Variants in ST7L observed in about 807,000 individuals in gnomAD.
The protein encoded by ST7L is suppression of tumorigenicity 7 like, also known as suppressor of tumorigenicity 7 protein-like.
A neutral mutation model predicts 72.5 loss-of-function variants in ST7L; 57 were observed. That is an observed-to-expected ratio of 0.79 (90% CI 0.64 to 0.98). The LOEUF (loss-of-function observed/expected upper bound fraction) is 0.98, where lower values mean the gene tolerates loss of function less well. Ranked by LOEUF, ST7L falls within the 50% of genes least tolerant of loss-of-function variation. The probability of loss-of-function intolerance (pLI) is 0.00; values close to 1 mark genes in which losing one functional copy is unlikely to be tolerated. For synonymous variants in ST7L, 221 were observed against 240.9 expected, an observed-to-expected ratio of 0.92 and a Z score of 0.77; for missense variants, 576 against 672.2, an observed-to-expected ratio of 0.86 and a Z score of 1.58.
At chr1:112,541,355 G>A (rs1348286529) in intron 14 of ST7L, among the ~76,000 whole-genome samples, 4 of 151,950 alleles carry the variant, frequency 2.6e-5, no homozygotes, top group Non-Finnish European at 5.9e-5. Context: ...ACTGGTTCAG[G>A]AAATGGGGAA....
intron 14 of ST7L, chr1:112,529,658 T>G (rs1467405491): frequency 6.6e-6 from 1 of 151,554 alleles, no homozygotes; most frequent in Non-Finnish European, 1.5e-5. Flanking sequence ...AGGGAAATGT[T>G]ATTGCTCAAA....
intron 6 of ST7L, among the ~76,000 whole-genome samples, chr1:112,588,140 T>G (rs1032597533): frequency 5.3e-5 from 8 of 152,260 alleles, no homozygotes; most frequent in Non-Finnish European, 7.3e-5. Context: ...TTTCATATGT[T>G]GATTTTGTTT....
intron 6 of ST7L, among the ~76,000 whole-genome samples, chr1:112,585,643 G>A (rs1261384958): frequency 6.6e-6 from 1 of 151,272 alleles, no homozygotes. Flanking sequence ...TGAGGCAGGA[G>A]AATGGCATGA....
At chr1:112,568,801 G>A (rs181039027) in intron 11 of ST7L, among the ~76,000 whole-genome samples, 28 of 147,194 alleles carry the variant, frequency 1.9e-4, no homozygotes, top group African/African-American at 6.4e-4. Context: ...CTGGAGCCCA[G>A]GAGTTTGAGA....
chr1:112,570,124 G>A (rs1032312), intron 11 of ST7L, among the ~76,000 whole-genome samples: 75,647 of 151,714 alleles, frequency 0.5, 19,222 homozygotes, highest in East Asian at 0.64. Context: ...AAAGATAAAC[G>A]ACCGTTTTTG....
chr1:112,582,624 A>C lies in ST7L; in HGVS notation c.857-152T>G, dbSNP rs548880604. 3.3e-4 allele frequency: 169 copies of C among 514,018 alleles called. 1 individual carries two copies. The South Asian group carries it at 5.2e-3, about 16-fold the overall frequency. The allele number at this position is 514,018 out of a possible 1,614,324, so 31.8% of individuals were successfully genotyped here. On this transcript the variant is annotated intron_variant, in intron 7 of 14. Coordinates refer to ENST00000358039, the MANE Select transcript of ST7L (RefSeq NM_017744.5). The stretch of plus-strand genomic sequence containing the variant: ...ATGGAAGAATATTAATGATGTCTAC[A>C]TTTGGATGATAAATATTGAACAGGA...
chr1:112,559,807 C>T (rs1013681784), intron 11 of ST7L, among the ~76,000 whole-genome samples: 2 of 151,698 alleles, frequency 1.3e-5, no homozygotes, highest in Admixed American at 6.6e-5. Context: ...GGTGAAACCC[C>T]GTCTCTACTA....
chr1:112,598,003 C>T lies in ST7L; in HGVS notation c.590G>A (p.Cys197Tyr), dbSNP rs1263267599. The T allele has an allele frequency of 2.5e-6, 4 of 1,613,426 alleles. No homozygotes were observed. Among genetic ancestry groups the T allele is most frequent in the Non-Finnish European group, 3.4e-6 (4 of 1,179,796 alleles). The change falls in exon 5 of 15, where the codon TGT becomes TAT. Residue 197 changes from cysteine to tyrosine, a missense_variant. This residue lies in a region of ST7L where 511 missense variants were observed against 600.7 expected (regional missense o/e 0.85). Coordinates refer to ENST00000358039, the MANE Select transcript of ST7L (RefSeq NM_017744.5). ...TGAAGGACGTAAAAAATCTGTGTCACAGGTGAAAAAGGTCTGATGGTCCTG... is the reference window on the plus strand; with the variant it reads ...TGAAGGACGTAAAAAATCTGTGTCATAGGTGAAAAAGGTCTGATGGTCCTG... ...SAQDHQTFFTCDTDFLRPSDT... is the reference protein window; with the variant it reads ...SAQDHQTFFTYDTDFLRPSDT...
At chr1:112,520,323 A>C, downstream of ST7L, 5 of 1,614,190 alleles carry the variant, frequency 3.1e-6, no homozygotes, top group Non-Finnish European at 4.2e-6. Flanking sequence ...AGACATCAAA[A>C]GGAACAGACG....
chr1:112,540,200 T>C, intron 14 of ST7L: 1 of 985,428 alleles, frequency 1.0e-6, no homozygotes, highest in East Asian at 1.1e-4. Context: ...TCTCCCTCCT[T>C]GCTCTATTTC....
intron 3 of ST7L, among the ~76,000 whole-genome samples, chr1:112,601,390 C>T (rs11102510): frequency 0.17 from 26,198 of 151,948 alleles, 2,979 homozygotes; most frequent in Non-Finnish European, 0.26. Context: ...AGACGACAGG[C>T]GCCTGCCACC....
intron 11 of ST7L, among the ~76,000 whole-genome samples, chr1:112,576,281 G>A (rs1663092556): frequency 6.6e-6 from 1 of 152,040 alleles, no homozygotes; most frequent in African/African-American, 2.4e-5. Flanking sequence ...GCAGAGATGA[G>A]GTCTCACCAC....
chr1:112,520,645 T>C (rs1399006602), downstream of ST7L: 1 of 916,368 alleles, frequency 1.1e-6, no homozygotes, highest in Non-Finnish European at 1.7e-6. Context: ...GAGTAATCCA[T>C]AGGGACCATG....
At chr1:112,559,774 T>G (rs568981892) in intron 11 of ST7L, among the ~76,000 whole-genome samples, 2 of 149,480 alleles carry the variant, frequency 1.3e-5, no homozygotes, top group South Asian at 4.3e-4. Context: ...AGGTCAGGAG[T>G]TCAAGACCAG....
rs1483998267 is a variant in ST7L at position 112,560,223 on chromosome 1, T to C, written c.1246-4205A>G. Among the ~76,000 whole-genome samples, 3 of 151,284 alleles carry C rather than the reference T, an allele frequency of 2.0e-5. No homozygotes were observed. In the South Asian group the frequency reaches 6.3e-4, roughly 32 times the overall value. Reference sequence around the variant, plus strand: ...TCTTGGCTAACACGGTGAAACCCCGTCTCTACTAAAAATACAAAAAATTAG... The same window carrying C: ...TCTTGGCTAACACGGTGAAACCCCGCCTCTACTAAAAATACAAAAAATTAG... On this transcript the variant is annotated intron_variant, in intron 11 of 14. Transcript: ENST00000358039.
intron 4 of ST7L, among the ~76,000 whole-genome samples, chr1:112,598,390 C>G (rs563577737): frequency 6.6e-6 from 1 of 151,034 alleles, no homozygotes; most frequent in Admixed American, 6.6e-5. Context: ...GACTTGAGAC[C>G]TGCAGTTTGA....
chr1:112,615,073 C>A (rs1159103862), intron 2 of ST7L, among the ~76,000 whole-genome samples: 1 of 152,114 alleles, frequency 6.6e-6, no homozygotes, highest in Non-Finnish European at 1.5e-5. Flanking sequence ...CATCTTGGCT[C>A]ACTGTAACCT....
chr1:112,585,830 G>C (rs1571179305), intron 6 of ST7L, among the ~76,000 whole-genome samples: 2 of 152,040 alleles, frequency 1.3e-5, no homozygotes, highest in East Asian at 3.9e-4. Flanking sequence ...GTGGCTACTA[G>C]AAAATTTAAA....
At chr1:112,569,719 G>T (rs569056674) in intron 11 of ST7L, among the ~76,000 whole-genome samples, 5 of 152,228 alleles carry the variant, frequency 3.3e-5, no homozygotes, top group Non-Finnish European at 7.3e-5. Context: ...ATGACTATGG[G>T]AGGCCGAGGC....
Sources: allele counts gnomAD v4.1 joint callset (sites outside exome capture counted in the v4.1 genomes callset), GRCh38; gene constraint gnomAD v4.1.1; regional missense constraint gnomAD v4.1.1; transcripts MANE v1.5; gene names NCBI Gene and HGNC (gene_info 2026-07-23, HGNC 2026-07-21).